The following CNTN4 variants were observed in gnomAD, a reference collection of about 807,000 sequenced individuals.
CNTN4 encodes contactin-4.
A neutral mutation model predicts 122.5 loss-of-function variants in CNTN4; 77 were observed. The observed-to-expected ratio is 0.63, with a 90% CI of 0.52 to 0.76. The LOEUF (loss-of-function observed/expected upper bound fraction) is 0.76. CNTN4 is among the 30% of genes least tolerant of loss of function. The pLI, the probability that CNTN4 is intolerant of heterozygous loss-of-function variation, is 0.00. For synonymous variants in CNTN4, 512 were observed against 447.0 expected (o/e 1.15, Z -1.83); for missense variants, 1,256 against 1,259.1 (o/e 1.00, Z 0.04).
chr3:2,295,418 CT>C lies in CNTN4; in HGVS notation c.-144-43759del, dbSNP rs2042274282. On this transcript the variant is annotated intron_variant, in intron 2 of 24. Coordinates refer to ENST00000418658, the MANE Select transcript of CNTN4 (RefSeq NM_175607.3). ...CATTGTGGTTTTGATTTGCATTTCT[CT>C]GATATCCAGTGGTGATGAGCATTTT... 1.5e-5 allele frequency among the ~76,000 whole-genome samples: 2 copies of C among 135,582 alleles called. 1 individual carries two copies. The highest frequency in any genetic ancestry group is 4.5e-4 in the South Asian group (2 of 4,450). 88.9% of individuals were successfully genotyped at this position (135,582 alleles called of 152,430 possible).
intron 4 of CNTN4, among the ~76,000 whole-genome samples, chr3:2,599,765 G>T (rs1176704566): frequency 6.6e-6 from 1 of 152,120 alleles, no homozygotes; most frequent in East Asian, 1.9e-4. Context: ...TATTGCATTA[G>T]AGAGTGTATT....
intron 6 of CNTN4, among the ~76,000 whole-genome samples, chr3:2,747,302 G>T (rs1028497388): frequency 2.0e-5 from 3 of 151,636 alleles, no homozygotes; most frequent in African/African-American, 4.9e-5. Context: ...CCAGCTGCTC[G>T]GGAGGCTGAG....
chr3:2,809,601 A>C (rs931040062), intron 6 of CNTN4, among the ~76,000 whole-genome samples: 1 of 152,202 alleles, frequency 6.6e-6, no homozygotes, highest in African/African-American at 2.4e-5. Context: ...GTATGAAACC[A>C]AAGATAAAGA....
chr3:2,572,084 G>T (rs2079448149), intron 4 of CNTN4, among the ~76,000 whole-genome samples: 1 of 152,118 alleles, frequency 6.6e-6, no homozygotes, highest in Non-Finnish European at 1.5e-5. Context: ...TACTAGAAAA[G>T]GGATTTGGAA....
chr3:2,343,097 A>T (rs1338603632), intron 3 of CNTN4, among the ~76,000 whole-genome samples: 2 of 152,240 alleles, frequency 1.3e-5, no homozygotes. Flanking sequence ...CAATAAAGTA[A>T]TAAGGAAATA....
chr3:3,010,854 A>C (rs1012324605), intron 14 of CNTN4, among the ~76,000 whole-genome samples: 6 of 152,162 alleles, frequency 3.9e-5, no homozygotes, highest in Non-Finnish European at 8.8e-5. Context: ...CTAACCACTA[A>C]CATGATAAGC....
chr3:2,309,435 C>T (rs534636573), intron 2 of CNTN4, among the ~76,000 whole-genome samples: 19 of 152,178 alleles, frequency 1.2e-4, no homozygotes, highest in South Asian at 4.1e-4. Context: ...TTAATTACAG[C>T]GCTTAATATA....
chr3:2,937,447 CA>C (rs1379126389), intron 13 of CNTN4, among the ~76,000 whole-genome samples: 1 of 152,162 alleles, frequency 6.6e-6, no homozygotes, highest in African/African-American at 2.4e-5. Context: ...TATTTCTGAA[CA>C]ACCAGTAAAA....
intron 3 of CNTN4, among the ~76,000 whole-genome samples, chr3:2,450,981 A>C (rs1206924167): frequency 6.6e-6 from 1 of 152,144 alleles, no homozygotes; most frequent in Non-Finnish European, 1.5e-5. Context: ...CTAGGGAACA[A>C]GTGAGGAAGG....
intron 2 of CNTN4, among the ~76,000 whole-genome samples, chr3:2,174,466 C>T (rs2036660877): frequency 6.6e-6 from 1 of 152,122 alleles, no homozygotes; most frequent in East Asian, 1.9e-4. Flanking sequence ...ACTTCTGGTT[C>T]ATAGCCAGCC....
chr3:3,022,981 A>G (rs1215779850), intron 14 of CNTN4, among the ~76,000 whole-genome samples: 1 of 152,216 alleles, frequency 6.6e-6, no homozygotes, highest in Non-Finnish European at 1.5e-5. Flanking sequence ...ACTCTTCAGA[A>G]CAGAAGTCAT....
chr3:2,949,545 C>G (rs66918208), intron 13 of CNTN4, among the ~76,000 whole-genome samples: 11,830 of 152,114 alleles, frequency 0.078, 597 homozygotes, highest in African/African-American at 0.14. Context: ...ACAGGCTAAG[C>G]CAATCAGACC....
chr3:2,435,827 T>C lies in CNTN4; in HGVS notation c.-89+96594T>C, dbSNP rs559008430. Among the ~76,000 whole-genome samples, 19 of 152,302 alleles carry C rather than the reference T, an allele frequency of 1.2e-4. No individual in the cohort carries two copies. The South Asian group carries it at 2.3e-3, about 18-fold the overall frequency. ...TGTACAAATTCTACAGAAATCATTTTATATCTATTTACTCTTATTTTCTTC... is the reference window on the plus strand; with the variant it reads ...TGTACAAATTCTACAGAAATCATTTCATATCTATTTACTCTTATTTTCTTC... On this transcript the variant is annotated intron_variant, in intron 3 of 24. Transcript: ENST00000418658.
At chr3:2,348,042 G>C (rs370236152) in intron 3 of CNTN4, among the ~76,000 whole-genome samples, 1 of 151,790 alleles carries the variant, frequency 6.6e-6, no homozygotes, top group African/African-American at 2.4e-5. Flanking sequence ...CATATAGTTC[G>C]TAATTTTATA....
intron 6 of CNTN4, among the ~76,000 whole-genome samples, chr3:2,795,677 C>T (rs552050760): frequency 2.3e-3 from 357 of 152,094 alleles, no homozygotes; most frequent in Non-Finnish European, 4.0e-3. Flanking sequence ...CCCAAGACCA[C>T]GCTCAGCTAA....
At chr3:2,716,019 C>T (rs2087475016) in intron 4 of CNTN4, among the ~76,000 whole-genome samples, 1 of 152,036 alleles carries the variant, frequency 6.6e-6, no homozygotes, top group Non-Finnish European at 1.5e-5. Context: ...GCTTATAGTG[C>T]AGTGGCATGA....
At chr3:3,003,708 A>C (rs962511017) in intron 14 of CNTN4, among the ~76,000 whole-genome samples, 39 of 150,584 alleles carry the variant, frequency 2.6e-4, no homozygotes, top group Admixed American at 2.0e-4. Flanking sequence ...AAAAAAAAAA[A>C]AAAAAACAAA....
chr3:2,653,576 A>C (rs1489071893), intron 4 of CNTN4, among the ~76,000 whole-genome samples: 2 of 152,146 alleles, frequency 1.3e-5, no homozygotes, highest in Non-Finnish European at 2.9e-5. Flanking sequence ...TGGTCTTTTC[A>C]CTGATGTAGA....
Position 2,781,891 on chromosome 3 carries a change from TTTTTTGTA to T in CNTN4, c.358+36200_358+36207del, listed in dbSNP as rs1218476281. Among the ~76,000 whole-genome samples, 19 of 88,126 alleles carry T rather than the reference TTTTTTGTA, an allele frequency of 2.2e-4. 1 individual carries two copies. Among genetic ancestry groups the T allele is most frequent in the South Asian group, 7.1e-4 (2 of 2,816 alleles). 57.8% of individuals were successfully genotyped at this position (88,126 alleles called of 152,430 possible). A position where few individuals can be genotyped will look rare whatever the true frequency, so the allele number is the denominator to read the frequency against. On this transcript the variant is annotated intron_variant, in intron 6 of 24. Transcript: ENST00000418658. ...AGGCGCCCGCACCACGCCCGGCTAATTTTTTGTATTTTTAGTAGAGACGGGGCTTCACC... is the reference window on the plus strand; with the variant it reads ...AGGCGCCCGCACCACGCCCGGCTAATTTTTTAGTAGAGACGGGGCTTCACC...
Sources: allele counts gnomAD v4.1 joint callset (sites outside exome capture counted in the v4.1 genomes callset), GRCh38; gene constraint gnomAD v4.1.1; transcripts MANE v1.5; gene names NCBI Gene and HGNC (gene_info 2026-07-23, HGNC 2026-07-21).